GIN1: variants seen among roughly 807,000 people sequenced by gnomAD.
GIN1 encodes the protein gypsy retrotransposon integrase-like protein 1.
GIN1 carries 41 observed loss-of-function variants against 51.4 expected under a neutral mutation model. The ratio of observed to expected loss-of-function variants is 0.80; its 90% CI spans 0.62 to 1.04. The LOEUF (loss-of-function observed/expected upper bound fraction) is 1.04. Ranked by LOEUF, GIN1 falls within the 50% of genes least tolerant of loss-of-function variation. The probability of loss-of-function intolerance (pLI) is 0.00; values close to 1 mark genes in which losing one functional copy is unlikely to be tolerated. For synonymous variants in GIN1, 222 were observed against 206.5 expected (o/e 1.07, Z -0.64); for missense variants, 610 against 612.4 (o/e 1.00, Z 0.04).
intron 1 of GIN1, among the ~76,000 whole-genome samples, chr5:103,114,111 TC>T (rs531376160): frequency 1.3e-5 from 2 of 152,310 alleles, no homozygotes; most frequent in South Asian, 4.1e-4. Flanking sequence ...CAGCCCCTCA[TC>T]ATATTTCAAA....
chr5:103,107,103 C>T (rs1787748409), intron 2 of GIN1, among the ~76,000 whole-genome samples, 194 bp from the exon 3 acceptor site: 1 of 151,938 alleles, frequency 6.6e-6, no homozygotes, highest in African/African-American at 2.4e-5. Flanking sequence ...TTACTAGATA[C>T]TTAGGAAGGG....
At chr5:103,094,962 A>C (rs1267686228) in intron 7 of GIN1, among the ~76,000 whole-genome samples, 1 of 152,228 alleles carries the variant, frequency 6.6e-6, no homozygotes, top group Non-Finnish European at 1.5e-5. Flanking sequence ...GAAAGGTACT[A>C]AGAGGTTTTA....
chr5:103,090,474 A>T (rs1787206530), intron 7 of GIN1, among the ~76,000 whole-genome samples: 1 of 152,238 alleles, frequency 6.6e-6, no homozygotes, highest in African/African-American at 2.4e-5. Context: ...ATAAGAGAAC[A>T]TTAAAAGGTT....
intron 4 of GIN1, among the ~76,000 whole-genome samples, chr5:103,101,936 A>T (rs1353973397): frequency 6.6e-6 from 1 of 152,218 alleles, no homozygotes; most frequent in East Asian, 1.9e-4. Context: ...ATGTCAATCA[A>T]GGCAGGCAAG....
At position 103,097,445 on chromosome 5, in the gene GIN1, G is replaced by C; in HGVS notation, c.877C>G (p.Pro293Ala). Residue 293 changes from proline to alanine, a missense_variant, in exon 6 of 8, where the codon CCT becomes GCT. Coordinates refer to ENST00000399004, the MANE Select transcript of GIN1 (RefSeq NM_017676.2). ...TPYFQMFSRN[P>A]YMPETSDSLH... ...CTATCTGAAGTCTCAGGCATATAAG[G>C]ATTTCGACTAAACATTTGAAAATAT... 1 of 1,580,290 alleles carries C rather than the reference G, an allele frequency of 6.3e-7. No homozygotes were observed.
intron 1 of GIN1, among the ~76,000 whole-genome samples, chr5:103,109,291 C>G (rs1410631612): frequency 6.6e-6 from 1 of 152,010 alleles, no homozygotes; most frequent in African/African-American, 2.4e-5. Flanking sequence ...TAAAATCCCA[C>G]CAGAATGTCT....
At chr5:103,119,363 G>C (rs1788268374) in intron 1 of GIN1, among the ~76,000 whole-genome samples, 1 of 152,110 alleles carries the variant, frequency 6.6e-6, no homozygotes, top group Non-Finnish European at 1.5e-5. Flanking sequence ...CAACGTCAAG[G>C]ACCTGTAAAT....
chr5:103,107,219 T>C (rs1056981392), intron 2 of GIN1, among the ~76,000 whole-genome samples: 2 of 152,080 alleles, frequency 1.3e-5, no homozygotes, highest in Non-Finnish European at 2.9e-5. Flanking sequence ...CTGGGAGTAC[T>C]CAAAGTAGGA....
chr5:103,101,015 T>C (rs113195713), intron 4 of GIN1, among the ~76,000 whole-genome samples: 3 of 152,326 alleles, frequency 2.0e-5, no homozygotes, highest in African/African-American at 7.2e-5. Flanking sequence ...CCTAACCCTA[T>C]TTATACTATG....
At chr5:103,108,939 C>T (rs1469842687) in intron 1 of GIN1, among the ~76,000 whole-genome samples, 2 of 151,872 alleles carry the variant, frequency 1.3e-5, no homozygotes, top group African/African-American at 4.8e-5. Context: ...TTGTCTCTTT[C>T]CATTTGATAA....
intron 1 of GIN1, among the ~76,000 whole-genome samples, chr5:103,113,103 C>G (rs1472580438): frequency 6.6e-6 from 1 of 152,078 alleles, no homozygotes; most frequent in Non-Finnish European, 1.5e-5. Flanking sequence ...TCACACTCAC[C>G]TTCTATCTGA....
chr5:103,114,872 C>G (rs34773), intron 1 of GIN1, among the ~76,000 whole-genome samples: 49,150 of 151,948 alleles, frequency 0.32, 8,213 homozygotes, highest in East Asian at 0.45. Flanking sequence ...GAAATACAGA[C>G]TTCTTAGAAG....
intron 4 of GIN1, 84 bp from the exon 5 acceptor site, chr5:103,097,865 T>C (rs1583116477): frequency 1.6e-6 from 1 of 630,862 alleles, no homozygotes; most frequent in East Asian, 2.9e-5. Context: ...TCAAAAGAAT[T>C]AGAATCTTGC....
chr5:103,116,724 T>A (rs752532916), intron 1 of GIN1, among the ~76,000 whole-genome samples: 2 of 152,014 alleles, frequency 1.3e-5, no homozygotes, highest in Non-Finnish European at 2.9e-5. Flanking sequence ...TATAAAGAAC[T>A]CTCGAAGCTT....
At chr5:103,117,515 TAGG>T (rs376215601) in intron 1 of GIN1, among the ~76,000 whole-genome samples, 180 of 151,746 alleles carry the variant, frequency 1.2e-3, no homozygotes, top group African/African-American at 4.2e-3. Context: ...GCAGATCAAG[TAGG>T]AGAAATAAAT....
chr5:103,087,901 A>T lies in GIN1; in HGVS notation c.1566T>A (p.Ser522Arg). The T allele has an allele frequency of 1.4e-6, 2 of 1,412,302 alleles. No individual in the cohort carries two copies. Among genetic ancestry groups the T allele is most frequent in the Non-Finnish European group, 1.9e-6 (2 of 1,035,978 alleles). The allele number at this position is 1,412,302 out of a possible 1,614,324, so 87.5% of individuals were successfully genotyped here. The change falls in exon 8 of 8, where the codon AGT becomes AGA. Residue 522 changes from serine (S) to arginine (R), a missense_variant. Physicochemically the swap from Ser to Arg is moderately radical, Grantham distance 110 (BLOSUM62 -1). Transcript: ENST00000399004. ...TTTAAATAAATTTTGGTATTTACTA[A>T]CTTAAGTATTCAAGAACCTGGTTTG... is the stretch of plus-strand genomic sequence containing the variant. The part of the protein sequence containing the change: ...DSSNQVLEYL[S>R]
At chr5:103,103,597 G>C (rs1380271461) in intron 4 of GIN1, among the ~76,000 whole-genome samples, 3 of 152,146 alleles carry the variant, frequency 2.0e-5, no homozygotes, top group African/African-American at 7.2e-5. Flanking sequence ...CTTAAGTCTA[G>C]CAGTTGTTGT....
chr5:103,097,594 T>C lies in GIN1; in HGVS notation c.827A>G (p.His276Arg). The change falls in exon 5 of 8, where the codon CAC becomes CGC. Residue 276 changes from histidine (H) to arginine (R), a missense_variant. Transcript: ENST00000399004. ...SAVSFAFNVT[H>R]LEPTKNTPYF... ...GAATTATAAAAAGGCACATACCAAG[T>C]GAGTTACATTGAAGGCAAATGAAAC... 6.3e-7 allele frequency: 1 copy of C among 1,595,158 alleles called. No homozygotes were observed. The highest frequency in any genetic ancestry group is 8.6e-7 in the Non-Finnish European group (1 of 1,163,464).
intron 4 of GIN1, among the ~76,000 whole-genome samples, chr5:103,103,570 A>C (rs1481876009): frequency 6.6e-6 from 1 of 152,212 alleles, no homozygotes; most frequent in East Asian, 1.9e-4. Flanking sequence ...TCAATTACAA[A>C]AAGTTTTAAC....
Sources: gnomAD v4.1 joint callset for allele counts (sites outside exome capture counted in the v4.1 genomes callset) on GRCh38, gnomAD v4.1.1 for gene constraint, MANE v1.5 for transcripts, NCBI Gene and HGNC (gene_info 2026-07-23, HGNC 2026-07-21) for gene names.